The following CDK6 variants were observed in gnomAD, a reference collection of about 807,000 sequenced individuals.
The protein encoded by CDK6 is cyclin-dependent kinase 6.
Under a neutral mutation model 37.1 loss-of-function variants are expected in CDK6, and 6 were observed. The observed-to-expected ratio is 0.16, with a 90% confidence interval of 0.09 to 0.32. The LOEUF is 0.32. Among genes scored for constraint, CDK6 ranks in the 10% least tolerant of loss-of-function variants. CDK6 has a pLI of 1.00. For synonymous variants in CDK6, 160 were observed against 161.3 expected (o/e 0.99, Z 0.06); for missense variants, 224 against 418.9 (o/e 0.53, Z 4.06).
At chr7:92,660,536 C>G (rs1796812209) in intron 5 of CDK6, among the ~76,000 whole-genome samples, 1 of 152,150 alleles carries the variant, frequency 6.6e-6, no homozygotes, top group Admixed American at 6.5e-5. Context: ...GGATCCTACA[C>G]CAGTCTTAGC....
At chr7:92,813,962 T>A (rs1800955269) in intron 2 of CDK6, among the ~76,000 whole-genome samples, 1 of 152,210 alleles carries the variant, frequency 6.6e-6, no homozygotes, top group Admixed American at 6.5e-5. Flanking sequence ...AACTTGAGTA[T>A]CCCGCAAGCT....
chr7:92,703,371 A>C (rs946275423), intron 4 of CDK6, among the ~76,000 whole-genome samples: 5 of 152,262 alleles, frequency 3.3e-5, no homozygotes, highest in Admixed American at 6.5e-5. Context: ...TCATAATTTT[A>C]GTCATAAGCA....
At chr7:92,808,255 G>A (rs1057228949) in intron 2 of CDK6, among the ~76,000 whole-genome samples, 1 of 152,178 alleles carries the variant, frequency 6.6e-6, no homozygotes, top group South Asian at 2.1e-4. Context: ...GTGTTGCTGC[G>A]GGGCAGCATC....
chr7:92,812,712 C>T (rs929200683), intron 2 of CDK6, among the ~76,000 whole-genome samples: 1 of 152,186 alleles, frequency 6.6e-6, no homozygotes, highest in Non-Finnish European at 1.5e-5. Flanking sequence ...ACACATGAGC[C>T]ACTGTGCCTG....
intron 4 of CDK6, among the ~76,000 whole-genome samples, chr7:92,705,021 T>G (rs949564418): frequency 6.6e-6 from 1 of 152,250 alleles, no homozygotes; most frequent in Non-Finnish European, 1.5e-5. Context: ...TTTAAAAATC[T>G]AATCTAACAT....
At chr7:92,622,994 T>C (rs1214583163) in intron 6 of CDK6, 42 bp downstream of exon 6, 1 of 1,243,140 alleles carries the variant, frequency 8.0e-7, no homozygotes, top group Admixed American at 2.0e-5. Context: ...GTAAATGTTT[T>C]AATGCTATGG....
Position 92,611,383 on chromosome 7 carries a change from T to C in CDK6, c.*3757A>G, listed in dbSNP as rs1050701819. 2 of 227,872 alleles carry C rather than the reference T, an allele frequency of 8.8e-6. No homozygotes were observed. The highest frequency in any genetic ancestry group is 4.4e-5 in the African/African-American group (2 of 45,036). 14.1% of individuals were successfully genotyped at this position (227,872 alleles called of 1,614,324 possible). On this transcript the variant is annotated 3_prime_UTR_variant, in exon 8 of 8. Coordinates refer to ENST00000424848, the MANE Select transcript of CDK6 (RefSeq NM_001145306.2). ...TTTTTTCCTAGACTCAACTATGCAA[T>C]TAAAGCCTGCTTTTGGAAAATGTAA... is the stretch of plus-strand genomic sequence containing the variant.
At chr7:92,799,706 G>A (rs1359707452) in intron 2 of CDK6, among the ~76,000 whole-genome samples, 6 of 152,042 alleles carry the variant, frequency 3.9e-5, no homozygotes, top group Non-Finnish European at 8.8e-5. Flanking sequence ...CCACACTGGG[G>A]CATTCGTGAT....
intron 2 of CDK6, among the ~76,000 whole-genome samples, chr7:92,805,066 C>T (rs1435553800): frequency 6.6e-6 from 1 of 152,208 alleles, no homozygotes; most frequent in Admixed American, 6.5e-5. Context: ...TCTAAATAAA[C>T]ATATTGCCTT....
At chr7:92,695,246 T>C (rs1797687272) in intron 4 of CDK6, among the ~76,000 whole-genome samples, 1 of 150,508 alleles carries the variant, frequency 6.6e-6, no homozygotes. Context: ...ATAGCTTCTT[T>C]GTTGGTGATT....
At chr7:92,821,708 A>G (rs927817035) in intron 2 of CDK6, among the ~76,000 whole-genome samples, 1 of 150,972 alleles carries the variant, frequency 6.6e-6, no homozygotes, top group Non-Finnish European at 1.5e-5. Context: ...TACTATATAT[A>G]TTGTATAAAT....
At chr7:92,767,661 C>T (rs181749139) in intron 3 of CDK6, among the ~76,000 whole-genome samples, 225 of 152,112 alleles carry the variant, frequency 1.5e-3, no homozygotes, top group Admixed American at 4.5e-3. Context: ...TTGATTTATC[C>T]CCCTGTCTAC....
At position 92,735,454 on chromosome 7, in the gene CDK6, C is replaced by T. The variant is rs184059941; in HGVS notation, c.370-9661G>A. On this transcript the variant is annotated intron_variant, in intron 3 of 7. Coordinates refer to ENST00000424848, the MANE Select transcript of CDK6 (RefSeq NM_001145306.2). ...GTAGTCCCCAGTGTCTATGAAGTCC[C>T]AATTTTTTGGAGCCTCAGGTTTTCA... Among the ~76,000 whole-genome samples the T allele has an allele frequency of 5.5e-3, 837 of 152,222 alleles. 10 individuals carry two copies. The highest frequency in any genetic ancestry group is 0.019 in the African/African-American group (804 of 41,520).
intron 3 of CDK6, among the ~76,000 whole-genome samples, chr7:92,773,673 T>G (rs1799774975): frequency 6.6e-6 from 1 of 152,198 alleles, no homozygotes; most frequent in African/African-American, 2.4e-5. Context: ...AGCACCAGAT[T>G]CTTTAATGAG....
intron 2 of CDK6, among the ~76,000 whole-genome samples, chr7:92,825,513 G>A (rs1262455632): frequency 2.0e-5 from 3 of 151,908 alleles, no homozygotes; most frequent in Non-Finnish European, 4.4e-5. Context: ...TAAGAAACTG[G>A]AATGAATTCA....
At chr7:92,695,608 T>C (rs1053068007) in intron 4 of CDK6, among the ~76,000 whole-genome samples, 6 of 152,226 alleles carry the variant, frequency 3.9e-5, no homozygotes, top group South Asian at 2.1e-4. Flanking sequence ...TCCCCTTTCA[T>C]TGAACAGAGA....
chr7:92,719,658 G>T (rs1394482343), intron 4 of CDK6, among the ~76,000 whole-genome samples: 1 of 152,142 alleles, frequency 6.6e-6, no homozygotes, highest in Non-Finnish European at 1.5e-5. Context: ...ATACAGGTGT[G>T]TTTGGCACAG....
In CDK6 at chr7:92,835,815, G is replaced by A. The variant is rs559351160; in HGVS notation, c.-368+663C>T. On this transcript the variant is annotated intron_variant, in intron 1 of 7. Coordinates refer to ENST00000424848, the MANE Select transcript of CDK6 (RefSeq NM_001145306.2). This position sits in a 1 kb window ranked among gnomAD's most constrained non-coding sequence, Gnocchi z 4.2. ...GGGGACCAGGGCTGCTCACTGCGGG[G>A]CGTGTGTTTAACTCCAATATTTTAA... 6.6e-6 allele frequency among the ~76,000 whole-genome samples: 1 copy of A among 152,348 alleles called. No individual in the cohort carries two copies. The highest frequency in any genetic ancestry group is 1.9e-4 in the East Asian group (1 of 5,186).
chr7:92,644,319 G>C (rs1242240194), intron 5 of CDK6, among the ~76,000 whole-genome samples: 1 of 152,166 alleles, frequency 6.6e-6, no homozygotes, highest in African/African-American at 2.4e-5. Flanking sequence ...GATATATGGG[G>C]TTGGGACAAG....
Sources: gnomAD v4.1 joint callset for allele counts (sites outside exome capture counted in the v4.1 genomes callset) on GRCh38, gnomAD v4.1.1 for gene constraint, Gnocchi (gnomAD v3.1) non-coding constraint, MANE v1.5 for transcripts, NCBI Gene and HGNC (gene_info 2026-07-23, HGNC 2026-07-21) for gene names.